The following ATF7IP variants were observed in gnomAD, a reference collection of about 807,000 sequenced individuals.
ATF7IP encodes activating transcription factor 7 interacting protein, also known as activating transcription factor 7-interacting protein 1.
Under a neutral mutation model 106.4 loss-of-function variants are expected in ATF7IP, and 23 were observed. The ratio of observed to expected loss-of-function variants is 0.22; its 90% CI spans 0.16 to 0.31. The LOEUF is 0.31. ATF7IP is among the 10% of genes least tolerant of loss of function. The probability of loss-of-function intolerance (pLI) is 1.00; values close to 1 mark genes in which losing one functional copy is unlikely to be tolerated. For synonymous variants in ATF7IP, 542 were observed against 539.0 expected, an observed-to-expected ratio of 1.01 and a Z score of -0.08; for missense variants, 1,334 against 1,524.3, an observed-to-expected ratio of 0.88 and a Z score of 2.08.
At chr12:14,397,501 T>C (rs905542558) in intron 1 of ATF7IP, among the ~76,000 whole-genome samples, 4 of 152,188 alleles carry the variant, frequency 2.6e-5, no homozygotes, top group Admixed American at 6.5e-5. Flanking sequence ...GGAGAGTCTC[T>C]ATTTTCATAA....
At chr12:14,490,717 C>G (rs1191227848) in intron 13 of ATF7IP, among the ~76,000 whole-genome samples, 1 of 152,136 alleles carries the variant, frequency 6.6e-6, no homozygotes, top group Non-Finnish European at 1.5e-5. Flanking sequence ...CTGGGGAAGA[C>G]AAGGCAGGGT....
intron 1 of ATF7IP, among the ~76,000 whole-genome samples, chr12:14,383,149 T>A (rs1939067618): frequency 6.6e-6 from 1 of 152,182 alleles, no homozygotes; most frequent in African/African-American, 2.4e-5. Flanking sequence ...TCTGCTTGTA[T>A]CAGTTTTGTG....
intron 1 of ATF7IP, among the ~76,000 whole-genome samples, chr12:14,373,061 A>G (rs983334544): frequency 6.6e-6 from 1 of 152,194 alleles, no homozygotes; most frequent in African/African-American, 2.4e-5. Flanking sequence ...TGATGGAACA[A>G]TAAAGGATGA....
intron 8 of ATF7IP, among the ~76,000 whole-genome samples, chr12:14,457,628 T>C (rs115104710): frequency 0.016 from 2,367 of 152,282 alleles, 24 homozygotes; most frequent in Non-Finnish European, 0.019. Context: ...AAATCTCTAT[T>C]GTAGTAGTTC....
At position 14,457,265 on chromosome 12, in the gene ATF7IP, C is replaced by G; in HGVS notation, c.2128C>G (p.Pro710Ala). Reference protein sequence around the residue: ...ESKRNVSESAPPSFQTPVNTV... With the variant: ...ESKRNVSESAAPSFQTPVNTV... ...CAAAAGAAATGTAAGCGAGAGTGCA[C>G]CACCATCCTTTCAAACTCCTGTGAA... The change falls in exon 8 of 15, where the codon CCA becomes GCA. Residue 710 changes from proline (P) to alanine (A), a missense_variant. This residue lies in a region of ATF7IP where 171 missense variants were observed against 172.6 expected (regional missense o/e 0.99). Transcript: ENST00000261168. The G allele has an allele frequency of 6.2e-7, 1 of 1,612,556 alleles. No homozygotes were observed. The highest frequency in any genetic ancestry group is 8.5e-7 in the Non-Finnish European group (1 of 1,179,542).
chr12:14,502,377 G>C lies in ATF7IP; in HGVS notation c.*4304G>C, dbSNP rs1390826593. On this transcript the variant is annotated 3_prime_UTR_variant, in exon 15 of 15. Coordinates refer to ENST00000261168, the MANE Select transcript of ATF7IP (RefSeq NM_018179.5). ...ATTCATCCCCTTGAGCCAGCCAATGGGGAGGAATAGGATAATGCAAACACA... is the reference window on the plus strand; with the variant it reads ...ATTCATCCCCTTGAGCCAGCCAATGCGGAGGAATAGGATAATGCAAACACA... 6.6e-6 allele frequency: 1 copy of C among 151,920 alleles called. No homozygotes were observed. The highest frequency in any genetic ancestry group is 2.4e-5 in the African/African-American group (1 of 41,300). The allele number at this position is 151,920 out of a possible 1,614,324, so 9.4% of individuals were successfully genotyped here.
At chr12:14,439,817 A>G (rs1376780952) in intron 5 of ATF7IP, among the ~76,000 whole-genome samples, 1 of 151,410 alleles carries the variant, frequency 6.6e-6, no homozygotes, top group East Asian at 1.9e-4. Context: ...TGGGCAACAG[A>G]GTGAGACTCT....
chr12:14,444,234 C>T (rs557966231), intron 5 of ATF7IP, among the ~76,000 whole-genome samples: 35 of 152,160 alleles, frequency 2.3e-4, no homozygotes, highest in Non-Finnish European at 4.3e-4. Context: ...CTTTCAGCCT[C>T]GGCTCCTGTT....
chr12:14,440,593 C>T (rs990267824), intron 5 of ATF7IP, among the ~76,000 whole-genome samples: 11 of 151,942 alleles, frequency 7.2e-5, no homozygotes, highest in Admixed American at 2.0e-4. Flanking sequence ...CTCTTTGTGT[C>T]TTGTTCCAGT....
At chr12:14,462,496 G>A (rs1943680342) in intron 9 of ATF7IP, among the ~76,000 whole-genome samples, 1 of 151,902 alleles carries the variant, frequency 6.6e-6, no homozygotes, top group South Asian at 2.1e-4. Context: ...TTAAATTCAT[G>A]GTCATGAGAT....
At chr12:14,394,403 GTTTTC>G (rs1007420141) in intron 1 of ATF7IP, among the ~76,000 whole-genome samples, 1 of 152,054 alleles carries the variant, frequency 6.6e-6, no homozygotes, top group Non-Finnish European at 1.5e-5. Flanking sequence ...TTATAAATTG[GTTTTC>G]TTTTATTACC....
At chr12:14,391,520 A>G (rs1939551217) in intron 1 of ATF7IP, among the ~76,000 whole-genome samples, 1 of 152,196 alleles carries the variant, frequency 6.6e-6, no homozygotes, top group Non-Finnish European at 1.5e-5. Flanking sequence ...TTTTGGATAA[A>G]TATTTAACCT....
intron 2 of ATF7IP, among the ~76,000 whole-genome samples, chr12:14,431,398 C>CT (rs780382202): frequency 0.069 from 9,878 of 142,610 alleles, 761 homozygotes; most frequent in African/African-American, 0.19. Flanking sequence ...AAAAAACATT[C>CT]TTTTTTTTTT....
Position 14,382,201 on chromosome 12 carries a change from A to G in ATF7IP, c.-8+16374A>G, listed in dbSNP as rs138567251. Among the ~76,000 whole-genome samples, 669 of 152,296 alleles carry G rather than the reference A, an allele frequency of 4.4e-3. 3 individuals are homozygous for G. The highest frequency in any genetic ancestry group is 0.015 in the East Asian group (77 of 5,196). ...GCCTGTCTACAAACAAATAAACGAA[A>G]AAACAAAAAGACTTGTGAAAAGTGC... On this transcript the variant is annotated intron_variant, in intron 1 of 14. Coordinates refer to ENST00000261168, the MANE Select transcript of ATF7IP (RefSeq NM_018179.5).
chr12:14,488,700 G>A (rs940698667), intron 13 of ATF7IP, among the ~76,000 whole-genome samples: 5 of 152,098 alleles, frequency 3.3e-5, no homozygotes, highest in Non-Finnish European at 7.4e-5. Context: ...AATATCATAC[G>A]CAGCCTTCAA....
chr12:14,495,542 C>G (rs1344690292), intron 13 of ATF7IP, among the ~76,000 whole-genome samples: 4 of 152,140 alleles, frequency 2.6e-5, no homozygotes, highest in Non-Finnish European at 5.9e-5. Flanking sequence ...ACAGCATGGG[C>G]CAGGTACTGA....
intron 10 of ATF7IP, among the ~76,000 whole-genome samples, chr12:14,474,725 C>G (rs989643105): frequency 6.6e-6 from 1 of 152,086 alleles, no homozygotes; most frequent in African/African-American, 2.4e-5. Context: ...TAGCTACTTT[C>G]GAGTCTTTAT....
intron 14 of ATF7IP, among the ~76,000 whole-genome samples, chr12:14,496,933 C>G (rs1945028989): frequency 6.6e-6 from 1 of 152,150 alleles, no homozygotes; most frequent in Non-Finnish European, 1.5e-5. Flanking sequence ...AAGTTAGAGT[C>G]ATGTTTTTTC....
intron 1 of ATF7IP, among the ~76,000 whole-genome samples, chr12:14,404,172 G>C (rs1940424063): frequency 6.7e-6 from 1 of 150,048 alleles, no homozygotes; most frequent in African/African-American, 2.5e-5. Flanking sequence ...CTATAATGGA[G>C]ACAAGGCAGT....
Sources: allele counts gnomAD v4.1 joint callset (sites outside exome capture counted in the v4.1 genomes callset), GRCh38; gene constraint gnomAD v4.1.1; regional missense constraint gnomAD v4.1.1; transcripts MANE v1.5; gene names NCBI Gene and HGNC (gene_info 2026-07-23, HGNC 2026-07-21).